The following SLC35E2B variants were observed in gnomAD, a reference collection of about 807,000 sequenced individuals.
SLC35E2B encodes the protein solute carrier family 35, member E2B.
Under a neutral mutation model 32.4 loss-of-function variants are expected in SLC35E2B, and 18 were observed. The ratio of observed to expected loss-of-function variants is 0.56; its 90% CI spans 0.38 to 0.82. SLC35E2B has a LOEUF of 0.82. Among genes scored for constraint, SLC35E2B ranks in the 40% least tolerant of loss-of-function variants. SLC35E2B has a pLI of 0.00. For synonymous variants in SLC35E2B, 132 were observed against 209.1 expected (o/e 0.63, Z 3.18); for missense variants, 263 against 469.5 (o/e 0.56, Z 4.06).
At chr1:1,678,473 T>G (rs1302205165) in intron 2 of SLC35E2B, among the ~76,000 whole-genome samples, 2 of 152,000 alleles carry the variant, frequency 1.3e-5, no homozygotes, top group Non-Finnish European at 2.9e-5. Context: ...CTGCTGTGTG[T>G]GTCTGTGCAC....
chr1:1,669,257 G>C (rs1021371104), intron 8 of SLC35E2B, among the ~76,000 whole-genome samples: 2 of 151,996 alleles, frequency 1.3e-5, no homozygotes, highest in African/African-American at 2.4e-5. Context: ...TACTTGGGAA[G>C]CTGAGGCAGG....
Position 1,665,855 on chromosome 1 carries a change from G to A in SLC35E2B, c.1145C>T (p.Ala382Val). ...QHQQEALQSLAAATGRAPDDT... is the reference protein window; with the variant it reads ...QHQQEALQSLVAATGRAPDDT... ...GTCTGGGGCCCGGCCAGTGGCTGCA[G>A]CCAGGCTCTGCAGCGCCTCCTGCTG... The change falls in exon 10 of 10, where the codon GCT (alanine) becomes GTT (valine). Residue 382 changes from alanine (A) to valine (V), a missense_variant. Coordinates refer to ENST00000617444, the MANE Select transcript of SLC35E2B (RefSeq NM_001290264.2). 1 of 1,550,794 alleles carries A rather than the reference G, an allele frequency of 6.4e-7. No homozygotes were observed. Among genetic ancestry groups the A allele is most frequent in the Non-Finnish European group, 8.7e-7 (1 of 1,146,992 alleles).
At chr1:1,687,553 G>A (rs936949200) in intron 2 of SLC35E2B, among the ~76,000 whole-genome samples, 6 of 152,078 alleles carry the variant, frequency 3.9e-5, no homozygotes, top group Non-Finnish European at 7.4e-5. Context: ...CCAACATAAT[G>A]AAACCCCATC....
At chr1:1,678,714 C>A (rs1285794971) in intron 2 of SLC35E2B, among the ~76,000 whole-genome samples, 1 of 152,150 alleles carries the variant, frequency 6.6e-6, no homozygotes, top group Non-Finnish European at 1.5e-5. Flanking sequence ...ACAAAGACAC[C>A]ATTCCCTTCT....
intron 2 of SLC35E2B, among the ~76,000 whole-genome samples, chr1:1,686,659 G>T (rs1467071508): frequency 6.6e-6 from 1 of 151,866 alleles, no homozygotes; most frequent in Non-Finnish European, 1.5e-5. Flanking sequence ...CCAGCTACTC[G>T]GGAGGCTGAG....
chr1:1,669,067 A>T (rs1206955757), intron 8 of SLC35E2B, among the ~76,000 whole-genome samples: 1 of 152,130 alleles, frequency 6.6e-6, no homozygotes, highest in African/African-American at 2.4e-5. Flanking sequence ...CACGCACAAG[A>T]ACTGATGGCC....
intron 5 of SLC35E2B, 112 bp from the exon 6 acceptor site, chr1:1,671,741 T>TCAAAAA: frequency 8.9e-7 from 1 of 1,117,648 alleles, no homozygotes; most frequent in Non-Finnish European, 1.2e-6. Flanking sequence ...TTCCTTCAAT[T>TCAAAAA]CAAAAACAAT....
rs537498935 is a variant in SLC35E2B, at chr1:1,678,138, C to G, written c.-147-1292G>C. Reference sequence around the variant, plus strand: ...GGCCGTGCTGCCCGACCCAGTACCCCTCCTCGTCTCACTTCTCCCCCGGGA... The same window carrying G: ...GGCCGTGCTGCCCGACCCAGTACCCGTCCTCGTCTCACTTCTCCCCCGGGA... On this transcript the variant is annotated intron_variant, in intron 2 of 9. Transcript: ENST00000617444. Among the ~76,000 whole-genome samples, 146 of 152,296 alleles carry G rather than the reference C, an allele frequency of 9.6e-4. 2 individuals are homozygous for G. The highest frequency in any genetic ancestry group is 1.6e-3 in the Non-Finnish European group (108 of 68,024).
intron 2 of SLC35E2B, among the ~76,000 whole-genome samples, chr1:1,679,956 C>A (rs1390863669): frequency 2.0e-5 from 3 of 151,564 alleles, no homozygotes; most frequent in Admixed American, 6.6e-5. Flanking sequence ...CGTGGAGAAA[C>A]CCCGTCTCTA....
intron 6 of SLC35E2B, 40 bp downstream of exon 6, chr1:1,671,469 G>A (rs1255722071): frequency 1.6e-5 from 22 of 1,389,496 alleles, no homozygotes; most frequent in Middle Eastern, 2.0e-4. Context: ...GGTGAGCACC[G>A]GGTCTCGTCC....
chr1:1,688,178 G>A (rs1473226293), intron 2 of SLC35E2B, among the ~76,000 whole-genome samples: 2 of 152,104 alleles, frequency 1.3e-5, no homozygotes, highest in African/African-American at 4.8e-5. Context: ...TGGCAAAGGA[G>A]GGGAAGTCTT....
Position 1,686,705 on chromosome 1 carries a change from G to A in SLC35E2B, c.-148+4271C>T, listed in dbSNP as rs189510346. Among the ~76,000 whole-genome samples, 1,239 of 151,876 alleles carry A rather than the reference G, an allele frequency of 8.2e-3. 57 individuals are homozygous for A. Among genetic ancestry groups the A allele is most frequent in the Admixed American group, 0.074 (1,122 of 15,260 alleles). On this transcript the variant is annotated intron_variant, in intron 2 of 9. Coordinates refer to ENST00000617444, the MANE Select transcript of SLC35E2B (RefSeq NM_001290264.2). ...CACTTGAACCTAGAAGACGGAGGTC[G>A]CAGTGAGCCGAGATCATGCCACCAC...
Position 1,665,840 on chromosome 1 carries a change from C to T in SLC35E2B, c.1160G>A (p.Arg387Gln), listed in dbSNP as rs1263696580. 31 of 1,550,844 alleles carry T rather than the reference C, an allele frequency of 2.0e-5. No individual in the cohort carries two copies. The highest frequency in any genetic ancestry group is 1.7e-4 in the Middle Eastern group (1 of 6,000). The change falls in exon 10 of 10, where the codon CGG becomes CAG. Residue 387 changes from arginine to glutamine, a missense_variant. Coordinates refer to ENST00000617444, the MANE Select transcript of SLC35E2B (RefSeq NM_001290264.2). ...ALQSLAAATG[R>Q]APDDTVEPLL... ...CGGCTCCACTGTGTCGTCTGGGGCC[C>T]GGCCAGTGGCTGCAGCCAGGCTCTG...
intron 6 of SLC35E2B, 23 bp from the exon 7 acceptor site, chr1:1,670,174 T>A: frequency 4.6e-6 from 7 of 1,531,076 alleles, no homozygotes; most frequent in Non-Finnish European, 6.2e-6. Context: ...AAAGAGGTTA[T>A]GCATCAATAC....
At chr1:1,678,967 G>A (rs182295373) in intron 2 of SLC35E2B, among the ~76,000 whole-genome samples, 2 of 152,146 alleles carry the variant, frequency 1.3e-5, no homozygotes, top group Non-Finnish European at 2.9e-5. Context: ...CAGAGCACTC[G>A]CGACAGGGCT....
chr1:1,683,063 C>T (rs1010629472), intron 2 of SLC35E2B, among the ~76,000 whole-genome samples: 1 of 151,998 alleles, frequency 6.6e-6, no homozygotes, highest in South Asian at 2.1e-4. Context: ...GGGGACAGAG[C>T]GAGACTCTGT....
chr1:1,666,615 G>A (rs548536147), intron 9 of SLC35E2B, among the ~76,000 whole-genome samples: 14 of 152,300 alleles, frequency 9.2e-5, no homozygotes, highest in African/African-American at 2.6e-4. Flanking sequence ...ATCACCGGGC[G>A]CAGCGGCTTA....
At chr1:1,688,333 G>C (rs1461146066) in intron 2 of SLC35E2B, among the ~76,000 whole-genome samples, 1 of 152,082 alleles carries the variant, frequency 6.6e-6, no homozygotes, top group East Asian at 1.9e-4. Flanking sequence ...ACGGCCGGGC[G>C]CGCTGGCTCA....
Position 1,665,588 on chromosome 1 carries a change from C to T in SLC35E2B, c.*194G>A, listed in dbSNP as rs1643520795. On this transcript the variant is annotated 3_prime_UTR_variant, in exon 10 of 10. Coordinates refer to ENST00000617444, the MANE Select transcript of SLC35E2B (RefSeq NM_001290264.2). ...GTCAGCTACTGGTCTGGTCTCTACT[C>T]CAGGAAGCTGATACCTGGAATCCCC... is the stretch of plus-strand genomic sequence containing the variant. 1 of 856,196 alleles carries T rather than the reference C, an allele frequency of 1.2e-6. No homozygotes were observed. Among genetic ancestry groups the T allele is most frequent in the Non-Finnish European group, 1.8e-6 (1 of 570,532 alleles). The allele number at this position is 856,196 out of a possible 1,614,324, so 53.0% of individuals were successfully genotyped here.
Sources: gnomAD v4.1 joint callset for allele counts (sites outside exome capture counted in the v4.1 genomes callset) on GRCh38, gnomAD v4.1.1 for gene constraint, MANE v1.5 for transcripts, NCBI Gene and HGNC (gene_info 2026-07-23, HGNC 2026-07-21) for gene names.